The following NSUN6 variants were observed in gnomAD, a reference collection of about 807,000 sequenced individuals.
The protein encoded by NSUN6 is tRNA (cytosine(72)-C(5))-methyltransferase NSUN6.
NSUN6 carries 64 observed loss-of-function variants against 58.0 expected under a neutral mutation model. That is an observed-to-expected ratio of 1.10 (90% confidence interval 0.90 to 1.36). The LOEUF (loss-of-function observed/expected upper bound fraction) is 1.36, where lower values mean the gene tolerates loss of function less well. NSUN6 is among the 40% of genes most tolerant of loss of function. NSUN6 has a pLI of 0.00. For missense variants in NSUN6, 701 were observed against 550.1 expected (o/e 1.27, Z -2.74); for synonymous variants, 231 against 193.9 (o/e 1.19, Z -1.59).
intron 8 of NSUN6, among the ~76,000 whole-genome samples, chr10:18,577,530 T>C (rs2056710821): frequency 6.6e-6 from 1 of 152,118 alleles, no homozygotes; most frequent in Admixed American, 6.5e-5. Context: ...CTCCCTTAAC[T>C]ATCTCCACCT....
At chr10:18,603,473 C>T (rs149237693) in intron 6 of NSUN6, among the ~76,000 whole-genome samples, 8,425 of 147,208 alleles carry the variant, frequency 0.057, 318 homozygotes, top group Non-Finnish European at 0.075. Context: ...CTTTTCTTTT[C>T]TTTTCTTTTT....
In NSUN6 at chr10:18,625,508, T is replaced by A. The variant is rs116792080; in HGVS notation, c.312-9215A>T. On this transcript the variant is annotated intron_variant, in intron 3 of 10. Transcript: ENST00000377304. ...TTGGTGGATCACCCGATTCAAGAGT[T>A]TGAAGACCAGCCTGACCAACATGGT... Among the ~76,000 whole-genome samples the A allele has an allele frequency of 6.6e-3, 1,004 of 151,896 alleles. 17 individuals carry two copies. The highest frequency in any genetic ancestry group is 0.024 in the African/African-American group (974 of 41,434).
At chr10:18,585,710 G>A (rs111680375) in intron 8 of NSUN6, among the ~76,000 whole-genome samples, 7,381 of 152,228 alleles carry the variant, frequency 0.048, 275 homozygotes, top group Non-Finnish European at 0.077. Flanking sequence ...ATGGACGGGA[G>A]TAAGTTTTTG....
intron 8 of NSUN6, among the ~76,000 whole-genome samples, chr10:18,556,646 A>G (rs2055047458): frequency 6.6e-6 from 1 of 150,954 alleles, no homozygotes; most frequent in Non-Finnish European, 1.5e-5. Flanking sequence ...AACGGAATGG[A>G]GAATGGAGTG....
At chr10:18,608,810 A>G (rs2058129373) in intron 6 of NSUN6, among the ~76,000 whole-genome samples, 1 of 152,200 alleles carries the variant, frequency 6.6e-6, no homozygotes, top group African/African-American at 2.4e-5. Context: ...TGAATTACAT[A>G]ATAAACAAGC....
Position 18,548,181 on chromosome 10 carries a change from T to C in NSUN6, c.1128A>G (p.Thr376=). The C allele has an allele frequency of 6.2e-7, 1 of 1,613,820 alleles. No individual in the cohort carries two copies. The highest frequency in any genetic ancestry group is 8.5e-7 in the Non-Finnish European group (1 of 1,179,830). The change falls in exon 10 of 11, where the codon ACA becomes ACG. Residue 376 remains threonine, a synonymous_variant. Transcript: ENST00000377304. ...CAACCTGTTCTTCATTTTCGGCCAGTGTTATAGTGCACGTGCTATAAACCA... is the reference window on the plus strand; with the variant it reads ...CAACCTGTTCTTCATTTTCGGCCAGCGTTATAGTGCACGTGCTATAAACCA... ...GVLVYSTCTI[T]LAENEEQVAW...
chr10:18,601,837 C>T (rs532991605), intron 6 of NSUN6, among the ~76,000 whole-genome samples: 200 of 151,638 alleles, frequency 1.3e-3, no homozygotes, highest in Non-Finnish European at 2.2e-3. Context: ...ATTAGCTGGG[C>T]ATGGTGGTGG....
Position 18,567,821 on chromosome 10 carries a change from C to T in NSUN6, c.923-15850G>A, listed in dbSNP as rs2056077477. Among the ~76,000 whole-genome samples the T allele has an allele frequency of 3.3e-5, 5 of 151,348 alleles. No individual in the cohort carries two copies. In the Admixed American group the frequency reaches 3.3e-4, roughly 10 times the overall value. ...TCTTCATTCCATTCTCCATTCCATT[C>T]CTTTACATTCCATTCTCTACTCCAT... is the stretch of plus-strand genomic sequence containing the variant. On this transcript the variant is annotated intron_variant, in intron 8 of 10. Coordinates refer to ENST00000377304, the MANE Select transcript of NSUN6 (RefSeq NM_182543.5).
intron 3 of NSUN6, among the ~76,000 whole-genome samples, chr10:18,626,813 A>C (rs181665389): frequency 7.8e-4 from 119 of 152,360 alleles, no homozygotes; most frequent in African/African-American, 2.8e-3. Flanking sequence ...CTGAAAGAGA[A>C]GACAAATCCA....
At position 18,631,268 on chromosome 10, in the gene NSUN6, C is replaced by A. The variant is rs865804018; in HGVS notation, c.311+11208G>T. ...GGGACGTATCTCAAAATAATAAGAG[C>A]TATCTATGACAAACCCACAGCCAAT... On this transcript the variant is annotated intron_variant, in intron 3 of 10. Transcript: ENST00000377304. Among the ~76,000 whole-genome samples the A allele has an allele frequency of 2.4e-3, 358 of 148,018 alleles. 4 individuals carry two copies. Among genetic ancestry groups the A allele is most frequent in the South Asian group, 0.015 (69 of 4,568 alleles).
At chr10:18,581,399 G>A (rs1281357887) in intron 8 of NSUN6, among the ~76,000 whole-genome samples, 1 of 152,160 alleles carries the variant, frequency 6.6e-6, no homozygotes, top group Admixed American at 6.5e-5. Context: ...GGTCCTCACT[G>A]CTACACTCCC....
At chr10:18,621,619 T>G (rs1223529760) in intron 3 of NSUN6, among the ~76,000 whole-genome samples, 1 of 151,940 alleles carries the variant, frequency 6.6e-6, no homozygotes, top group Admixed American at 6.6e-5. Flanking sequence ...CCAAATAGAG[T>G]GCATCAACAA....
rs550513229 is a variant in NSUN6 at position 18,627,674 on chromosome 10, AC to A, written c.312-11382del. Reference sequence around the variant, plus strand: ...CAGACGGCACCTGGAAAATTGGGTCACTCCCACCCCAATACCGCGCTTTTCC... The same window carrying A: ...CAGACGGCACCTGGAAAATTGGGTCATCCCACCCCAATACCGCGCTTTTCC... On this transcript the variant is annotated intron_variant, in intron 3 of 10. Transcript: ENST00000377304. 2.6e-3 allele frequency among the ~76,000 whole-genome samples: 393 copies of A among 152,154 alleles called. 2 individuals carry two copies. The highest frequency in any genetic ancestry group is 8.6e-3 in the African/African-American group (358 of 41,516).
chr10:18,617,258 G>A (rs1385701901), intron 3 of NSUN6, among the ~76,000 whole-genome samples: 1 of 149,748 alleles, frequency 6.7e-6, no homozygotes, highest in African/African-American at 2.5e-5. Flanking sequence ...CGCAATCTTG[G>A]CTCACTGCAA....
chr10:18,587,669 C>T (rs1371807127), intron 7 of NSUN6, among the ~76,000 whole-genome samples: 1 of 152,094 alleles, frequency 6.6e-6, no homozygotes, highest in Non-Finnish European at 1.5e-5. Context: ...GCGTCACTCA[C>T]CCAGGAAGTG....
rs1564777531 is a variant in NSUN6 at position 18,596,333 on chromosome 10, A to T, written c.658-6T>A. 1 of 1,551,818 alleles carries T rather than the reference A, an allele frequency of 6.4e-7. No homozygotes were observed. ...ACTAAGGCAGATGGCAAATTCTATA[A>T]GGAAAAAAATGTAATCGATTATCAA... On this transcript the variant is annotated splice_region_variant and splice_polypyrimidine_tract_variant and intron_variant, in intron 6 of 10. Coordinates refer to ENST00000377304, the MANE Select transcript of NSUN6 (RefSeq NM_182543.5).
intron 6 of NSUN6, among the ~76,000 whole-genome samples, chr10:18,608,550 G>T (rs1243192489): frequency 1.3e-5 from 2 of 148,194 alleles, no homozygotes; most frequent in African/African-American, 5.0e-5. Flanking sequence ...GTGGGAGGAG[G>T]ATCACCTGAG....
intron 8 of NSUN6, among the ~76,000 whole-genome samples, chr10:18,571,448 T>C (rs1253494325): frequency 6.6e-6 from 1 of 150,686 alleles, no homozygotes. Context: ...TTCCAAACCA[T>C]TCTCTATTCC....
At chr10:18,574,043 T>C (rs1321003466) in intron 8 of NSUN6, among the ~76,000 whole-genome samples, 1 of 152,022 alleles carries the variant, frequency 6.6e-6, no homozygotes, top group African/African-American at 2.4e-5. Context: ...AGCCTTACTC[T>C]CCCCAGAAAA....
Sources: gnomAD v4.1 joint callset for allele counts (sites outside exome capture counted in the v4.1 genomes callset) on GRCh38, gnomAD v4.1.1 for gene constraint, MANE v1.5 for transcripts, NCBI Gene and HGNC (gene_info 2026-07-23, HGNC 2026-07-21) for gene names.